Variants in CFAP221 observed in about 807,000 individuals in gnomAD.
The protein encoded by CFAP221 is cilia- and flagella-associated protein 221.
CFAP221 carries 97 observed loss-of-function variants against 113.1 expected under a neutral mutation model. The observed-to-expected ratio is 0.86, with a 90% confidence interval of 0.73 to 1.02. The LOEUF is 1.02. Ranked by LOEUF, CFAP221 falls within the 50% of genes least tolerant of loss-of-function variation. The probability of loss-of-function intolerance (pLI) is 0.00; values close to 1 mark genes in which losing one functional copy is unlikely to be tolerated. For missense variants in CFAP221, 1,025 were observed against 1,013.4 expected, an observed-to-expected ratio of 1.01 and a Z score of -0.16; for synonymous variants, 331 against 354.4, an observed-to-expected ratio of 0.93 and a Z score of 0.74.
chr2:119,612,399 T>C (rs2104702703), intron 13 of CFAP221, among the ~76,000 whole-genome samples: 1 of 152,320 alleles, frequency 6.6e-6, no homozygotes. Context: ...TACTTCCTTC[T>C]TTACATGGTG....
chr2:119,576,865 G>A (rs916563787), intron 6 of CFAP221, among the ~76,000 whole-genome samples: 6 of 152,162 alleles, frequency 3.9e-5, no homozygotes, highest in Non-Finnish European at 8.8e-5. Flanking sequence ...AGCTAATATT[G>A]TGTCTTATTT....
chr2:119,559,850 T>G, intron 4 of CFAP221, 75 bp downstream of exon 4: 1 of 1,465,920 alleles, frequency 6.8e-7, no homozygotes, highest in Non-Finnish European at 9.2e-7. Flanking sequence ...GTGGGGGGTG[T>G]GTGGTGTGTT....
chr2:119,570,498 A>T (rs1481061087), intron 6 of CFAP221, among the ~76,000 whole-genome samples: 1 of 152,182 alleles, frequency 6.6e-6, no homozygotes, highest in East Asian at 1.9e-4. Flanking sequence ...AACCCCCCCA[A>T]AAAAACCCAT....
At chr2:119,582,381 C>T (rs1280980304) in intron 6 of CFAP221, among the ~76,000 whole-genome samples, 1 of 151,894 alleles carries the variant, frequency 6.6e-6, no homozygotes, top group East Asian at 1.9e-4. Context: ...GTAGGGCTGA[C>T]CACACTGTAT....
At chr2:119,646,886 A>G in intron 21 of CFAP221, 72 bp from the exon 22 acceptor site, 1 of 1,369,594 alleles carries the variant, frequency 7.3e-7, no homozygotes, top group Non-Finnish European at 1.0e-6. Flanking sequence ...AAAATTCTTT[A>G]GAAAATTATG....
At chr2:119,645,146 C>A (rs1687726209) in intron 21 of CFAP221, among the ~76,000 whole-genome samples, 1 of 151,716 alleles carries the variant, frequency 6.6e-6, no homozygotes, top group Admixed American at 6.6e-5. Flanking sequence ...CTCTCTCTCT[C>A]TGTCTTTCTT....
chr2:119,562,222 T>C, intron 6 of CFAP221, 108 bp downstream of exon 6: 1 of 607,852 alleles, frequency 1.6e-6, no homozygotes, highest in Non-Finnish European at 2.5e-6. Flanking sequence ...TCCTTCCACC[T>C]GAAATAGACT....
intron 22 of CFAP221, among the ~76,000 whole-genome samples, chr2:119,649,187 G>A (rs1687981530): frequency 6.6e-6 from 1 of 152,100 alleles, no homozygotes; most frequent in African/African-American, 2.4e-5. Context: ...AAAATATTAT[G>A]GAAACTACAG....
intron 6 of CFAP221, among the ~76,000 whole-genome samples, chr2:119,563,502 C>T (rs1446520749): frequency 6.6e-6 from 1 of 152,036 alleles, no homozygotes; most frequent in Non-Finnish European, 1.5e-5. Context: ...GTCCTGAGTC[C>T]CCTATCCCTC....
At chr2:119,652,108 T>C (rs763233116) in intron 23 of CFAP221, 39 bp downstream of exon 23, 6 of 1,526,110 alleles carry the variant, frequency 3.9e-6, no homozygotes, top group Non-Finnish European at 5.4e-6. Flanking sequence ...AAGGTAATCT[T>C]GGATGAAATT....
Position 119,646,988 on chromosome 2 carries a change from G to A in CFAP221, c.2256G>A (p.Pro752=), listed in dbSNP as rs866652158. Residue 752 remains proline (P), a synonymous_variant, in exon 22 of 24, where the codon CCG becomes CCA. Transcript: ENST00000413369. ...SCDSFNSFML[P]IDVPAILDAL... is the part of the protein sequence containing the mutation. ...ATTCCTTCAATTCATTTATGCTTCC[G>A]ATAGACGTCCCTGCCATCCTTGATG... 9 of 1,613,556 alleles carry A rather than the reference G, an allele frequency of 5.6e-6. No individual in the cohort carries two copies. Among genetic ancestry groups the A allele is most frequent in the East Asian group, 4.5e-5 (2 of 44,874 alleles).
chr2:119,610,770 T>G (rs1215582710), intron 12 of CFAP221, among the ~76,000 whole-genome samples: 1 of 152,168 alleles, frequency 6.6e-6, no homozygotes, highest in Non-Finnish European at 1.5e-5. Flanking sequence ...CTTTTAAAAT[T>G]TTTATAAACA....
chr2:119,634,332 T>C (rs1686980598), intron 19 of CFAP221, among the ~76,000 whole-genome samples: 1 of 152,142 alleles, frequency 6.6e-6, no homozygotes. Flanking sequence ...TCAGGTGTGA[T>C]GGCAGAAGCC....
At chr2:119,565,715 G>A (rs1034901870) in intron 6 of CFAP221, among the ~76,000 whole-genome samples, 11 of 152,186 alleles carry the variant, frequency 7.2e-5, no homozygotes, top group African/African-American at 2.4e-4. Context: ...CATTCTGGCA[G>A]CAGGCATAGC....
chr2:119,609,783 C>T (rs899599427), intron 12 of CFAP221, among the ~76,000 whole-genome samples: 3 of 152,186 alleles, frequency 2.0e-5, no homozygotes, highest in Admixed American at 6.5e-5. Context: ...GACTTGGCAG[C>T]AGTGGATGGG....
At chr2:119,593,391 T>C (rs374635223) in intron 7 of CFAP221, among the ~76,000 whole-genome samples, 1 of 152,152 alleles carries the variant, frequency 6.6e-6, no homozygotes, top group East Asian at 1.9e-4. Context: ...TTTAATTGGG[T>C]CTGTAGGATG....
rs1558670264 is a variant in CFAP221, at chr2:119,647,028, G to C, written c.2296G>C (p.Asp766His). 1 of 1,611,260 alleles carries C rather than the reference G, an allele frequency of 6.2e-7. No individual in the cohort carries two copies. ...CATCCTTGATGCCTTACCAGAAGAGGACAGACTAGAAACAGTAGAACGGTA... is the reference window on the plus strand; with the variant it reads ...CATCCTTGATGCCTTACCAGAAGAGCACAGACTAGAAACAGTAGAACGGTA... ...PAILDALPEE[D>H]RLETVERELC... The change falls in exon 22 of 24, where the codon GAC becomes CAC. Residue 766 changes from aspartate (D) to histidine (H), a missense_variant. Asp to His is a moderately conservative substitution (Grantham distance 81, BLOSUM62 -1). Transcript: ENST00000413369.
At chr2:119,631,919 T>G (rs1250405813) in intron 19 of CFAP221, among the ~76,000 whole-genome samples, 1 of 152,224 alleles carries the variant, frequency 6.6e-6, no homozygotes, top group East Asian at 1.9e-4. Context: ...AAGTTAAATG[T>G]GCAAATTCAT....
chr2:119,571,733 C>T lies in CFAP221; in HGVS notation c.527+9619C>T, dbSNP rs555715999. 9.2e-5 allele frequency among the ~76,000 whole-genome samples: 14 copies of T among 152,330 alleles called. No homozygotes were observed. The South Asian group carries it at 2.9e-3, about 32-fold the overall frequency. ...TTGGCCTCCCAAAGTGCTGGGATTA[C>T]AGGCGTGAGCCACCACACCCAGCCT... On this transcript the variant is annotated intron_variant, in intron 6 of 23. Coordinates refer to ENST00000413369, the MANE Select transcript of CFAP221 (RefSeq NM_001271049.2).
Sources: allele counts gnomAD v4.1 joint callset (sites outside exome capture counted in the v4.1 genomes callset), GRCh38; gene constraint gnomAD v4.1.1; transcripts MANE v1.5; gene names NCBI Gene and HGNC (gene_info 2026-07-23, HGNC 2026-07-21).